The following MFSD8 variants were observed in gnomAD, a reference collection of about 807,000 sequenced individuals.
MFSD8 encodes the protein major facilitator superfamily domain-containing protein 8.
Under a neutral mutation model 66.4 loss-of-function variants are expected in MFSD8, and 55 were observed. The ratio of observed to expected loss-of-function variants is 0.83; its 90% CI spans 0.67 to 1.04. The LOEUF is 1.04. Among genes scored for constraint, MFSD8 ranks in the 50% least tolerant of loss-of-function variants. MFSD8 has a pLI of 0.00. For missense variants in MFSD8, 550 were observed against 627.6 expected (o/e 0.88, Z 1.32); for synonymous variants, 202 against 212.8 (o/e 0.95, Z 0.44).
chr4:127,944,105 G>A (rs942761125), intron 3 of MFSD8, 113 bp from the exon 4 acceptor site: 105 of 1,437,074 alleles, frequency 7.3e-5, no homozygotes, highest in Middle Eastern at 3.6e-4. Flanking sequence ...CAATTCTAAC[G>A]TATAAGTTTT....
At chr4:127,965,663 G>C (rs1259990013), upstream of MFSD8, 1 of 183,310 alleles carries the variant, frequency 5.5e-6, no homozygotes, top group Non-Finnish European at 1.2e-5. Context: ...GCGCCTCTTA[G>C]CGCGCCGTGT....
chr4:127,923,027 T>C (rs559018420), intron 9 of MFSD8, among the ~76,000 whole-genome samples: 1 of 152,338 alleles, frequency 6.6e-6, no homozygotes, highest in African/African-American at 2.4e-5. Flanking sequence ...AGCTTCTAGA[T>C]GCAAGTACTA....
chr4:127,942,598 T>G (rs572858302), intron 4 of MFSD8, among the ~76,000 whole-genome samples: 2 of 151,548 alleles, frequency 1.3e-5, no homozygotes, highest in Admixed American at 1.3e-4. Context: ...AAGAACTGCT[T>G]GAACCCAGGA....
At chr4:127,952,118 A>G (rs556858995) in intron 2 of MFSD8, among the ~76,000 whole-genome samples, 62 of 151,930 alleles carry the variant, frequency 4.1e-4, no homozygotes, top group Non-Finnish European at 7.5e-4. Flanking sequence ...TATTAGCTTC[A>G]TTTCAGGCCA....
intron 3 of MFSD8, among the ~76,000 whole-genome samples, chr4:127,944,239 T>G (rs1740667938): frequency 6.6e-6 from 1 of 152,210 alleles, no homozygotes; most frequent in African/African-American, 2.4e-5. Context: ...CTGGAAATTT[T>G]TGGTTCATAT....
rs551006615 is a variant in MFSD8 at position 127,940,136 on chromosome 4, T to G, written c.554-139A>C. 3 of 872,712 alleles carry G rather than the reference T, an allele frequency of 3.4e-6. No individual in the cohort carries two copies. In the South Asian group the frequency reaches 5.0e-5, roughly 15 times the overall value. The allele number at this position is 872,712 out of a possible 1,614,324, so 54.1% of individuals were successfully genotyped here. On this transcript the variant is annotated intron_variant, in intron 5 of 11. Transcript: ENST00000641686. ...TATCATGCATTCTCAACAGATGGAA[T>G]TGGTTCTTGATGGGGGGTCAAAAAA... is the stretch of plus-strand genomic sequence containing the variant.
At chr4:127,953,559 T>TG (rs1161645457) in intron 2 of MFSD8, among the ~76,000 whole-genome samples, 7 of 139,160 alleles carry the variant, frequency 5.0e-5, no homozygotes, top group South Asian at 2.4e-4. Flanking sequence ...TTTTTTTTTT[T>TG]TTTTTTTTTT....
At chr4:127,935,992 T>A (rs527533691) in intron 7 of MFSD8, among the ~76,000 whole-genome samples, 3 of 152,308 alleles carry the variant, frequency 2.0e-5, no homozygotes, top group African/African-American at 7.2e-5. Flanking sequence ...TTAGTAAATA[T>A]ACAGGAGACC....
At chr4:127,933,147 G>A in intron 7 of MFSD8, 54 bp from the exon 8 acceptor site, 1 of 1,404,302 alleles carries the variant, frequency 7.1e-7, no homozygotes, top group South Asian at 1.2e-5. Flanking sequence ...TTTTTCTTAT[G>A]ACATTAAAGT....
intron 5 of MFSD8, among the ~76,000 whole-genome samples, 169 bp downstream of exon 5, chr4:127,941,876 T>C (rs1322337168): frequency 2.0e-5 from 3 of 152,290 alleles, no homozygotes; most frequent in Middle Eastern, 3.4e-3. Context: ...ATTTAGTGGA[T>C]TGGCATCAAG....
chr4:127,939,819 T>C (rs1307163811), intron 6 of MFSD8, 34 bp downstream of exon 6: 2 of 1,585,080 alleles, frequency 1.3e-6, no homozygotes, highest in East Asian at 4.5e-5. Context: ...TTTCACAATC[T>C]ACAAAAATAG....
intron 2 of MFSD8, among the ~76,000 whole-genome samples, chr4:127,951,613 C>T (rs950365382): frequency 2.0e-5 from 3 of 152,082 alleles, no homozygotes; most frequent in Admixed American, 1.3e-4. Flanking sequence ...CCCTCTCCTG[C>T]CAGCTGTAAA....
intron 1 of MFSD8, among the ~76,000 whole-genome samples, chr4:127,961,689 G>C (rs1356235893): frequency 6.6e-6 from 1 of 151,954 alleles, no homozygotes; most frequent in Non-Finnish European, 1.5e-5. Flanking sequence ...GGTGACGGGC[G>C]CCTGTAGTCC....
In MFSD8 at chr4:127,930,794, TC is replaced by T; in HGVS notation, c.886del (p.Asp296IlefsTer16). The T allele has an allele frequency of 6.2e-7, 1 of 1,611,800 alleles. No individual in the cohort carries two copies. Among genetic ancestry groups the T allele is most frequent in the Admixed American group, 1.7e-5 (1 of 59,874 alleles). ...FETIITPLTM[D>X]MYAWTQEQAV... ...TTGTTCTTGAGTCCAGGCATACATATCCATTGTTAATGGAGTAATGATGCTA... is the reference window on the plus strand; with the variant it reads ...TTGTTCTTGAGTCCAGGCATACATATCATTGTTAATGGAGTAATGATGCTA... On this transcript the variant is annotated frameshift_variant, in exon 9 of 12. Coordinates refer to ENST00000641686, the MANE Select transcript of MFSD8 (RefSeq NM_001371596.2). LOFTEE classifies it high-confidence loss of function.
At chr4:127,939,530 G>C (rs1197887074) in intron 6 of MFSD8, 1 of 186,682 alleles carries the variant, frequency 5.4e-6, no homozygotes. Flanking sequence ...CCTTGAATCC[G>C]GGAGATGGAG....
At chr4:127,938,354 C>A (rs1467002597) in intron 7 of MFSD8, among the ~76,000 whole-genome samples, 1 of 151,728 alleles carries the variant, frequency 6.6e-6, no homozygotes, top group East Asian at 1.9e-4. Flanking sequence ...GAGGCCGAGG[C>A]GGGTGGATCA....
At chr4:127,954,582 C>T (rs1193247284) in intron 2 of MFSD8, among the ~76,000 whole-genome samples, 1 of 152,200 alleles carries the variant, frequency 6.6e-6, no homozygotes, top group Non-Finnish European at 1.5e-5. Context: ...TGCCATTGCA[C>T]TCCAACTTGG....
chr4:127,922,027 C>T lies in MFSD8; in HGVS notation c.999-64G>A. 2.2e-6 allele frequency: 3 copies of T among 1,369,690 alleles called. 1 individual carries two copies. The highest frequency in any genetic ancestry group is 1.0e-6 in the Non-Finnish European group (1 of 976,152). The allele number at this position is 1,369,690 out of a possible 1,614,324, so 84.8% of individuals were successfully genotyped here. A position where few individuals can be genotyped will look rare whatever the true frequency, so the allele number is the denominator to read the frequency against. On this transcript the variant is annotated intron_variant, in intron 9 of 11. Coordinates refer to ENST00000641686, the MANE Select transcript of MFSD8 (RefSeq NM_001371596.2). ...CATTATAACATAGCTTCATTACTTTCATAATTTTAAAAACTAAAAATAATA... is the reference window on the plus strand; with the variant it reads ...CATTATAACATAGCTTCATTACTTTTATAATTTTAAAAACTAAAAATAATA...
At chr4:127,935,906 G>T (rs1399985057) in intron 7 of MFSD8, among the ~76,000 whole-genome samples, 1 of 152,168 alleles carries the variant, frequency 6.6e-6, no homozygotes, top group African/African-American at 2.4e-5. Context: ...AGTGTGATTT[G>T]TAGACCAGAA....
Sources: allele counts gnomAD v4.1 joint callset (sites outside exome capture counted in the v4.1 genomes callset), GRCh38; gene constraint gnomAD v4.1.1; transcripts MANE v1.5; gene names NCBI Gene and HGNC (gene_info 2026-07-23, HGNC 2026-07-21).